Variants in SPP2 observed in about 807,000 individuals in gnomAD.
SPP2 encodes the protein secreted phosphoprotein 24.
SPP2 carries 34 observed loss-of-function variants against 28.8 expected under a neutral mutation model. The observed-to-expected ratio is 1.18, with a 90% CI of 0.90 to 1.57. The LOEUF (loss-of-function observed/expected upper bound fraction) is 1.57. Ranked by LOEUF, SPP2 falls within the 40% of genes most tolerant of loss-of-function variation. The probability of loss-of-function intolerance (pLI) is 0.00; values close to 1 mark genes in which losing one functional copy is unlikely to be tolerated. For synonymous variants in SPP2, 96 were observed against 89.4 expected, an observed-to-expected ratio of 1.07 and a Z score of -0.42; for missense variants, 269 against 263.9, an observed-to-expected ratio of 1.02 and a Z score of -0.13.
In SPP2 at chr2:234,051,059, G is replaced by T. The variant is rs150764101; in HGVS notation, c.174G>T (p.Pro58=). Residue 58 remains proline (P), a synonymous_variant, in exon 2 of 8, where the codon CCG becomes CCT. Transcript: ENST00000168148. ...AAGTGAATTCCCAGTCACTGAGTCC[G>T]TATCTGTTTCGGGCATTCAGAAGCT... is the stretch of plus-strand genomic sequence containing the variant. The part of the protein sequence containing the change: ...VVKVNSQSLS[P]YLFRAFRSSL... The T allele has an allele frequency of 7.8e-3, 12,577 of 1,613,950 alleles. 70 individuals carry two copies. The highest frequency in any genetic ancestry group is 9.9e-3 in the Non-Finnish European group (11,711 of 1,179,894).
chr2:234,068,036 C>A (rs563951864), intron 6 of SPP2, among the ~76,000 whole-genome samples: 1 of 152,054 alleles, frequency 6.6e-6, no homozygotes, highest in South Asian at 2.1e-4. Flanking sequence ...CTTCTTTTTG[C>A]CATACTCAAC....
chr2:234,054,665 T>C (rs1435197518), intron 2 of SPP2, among the ~76,000 whole-genome samples: 1 of 152,048 alleles, frequency 6.6e-6, no homozygotes, highest in African/African-American at 2.4e-5. Context: ...CCTAATAACC[T>C]CCCAAAGGCC....
chr2:234,059,268 A>G (rs946993112), intron 3 of SPP2, among the ~76,000 whole-genome samples: 1 of 152,208 alleles, frequency 6.6e-6, no homozygotes, highest in African/African-American at 2.4e-5. Context: ...TCCCAGACAC[A>G]CTTAAAATTC....
intron 3 of SPP2, among the ~76,000 whole-genome samples, chr2:234,059,678 C>T (rs1207950959): frequency 6.6e-6 from 1 of 152,134 alleles, no homozygotes; most frequent in Non-Finnish European, 1.5e-5. Flanking sequence ...GGGAATTTGA[C>T]CCAAGGCCAG....
intron 4 of SPP2, among the ~76,000 whole-genome samples, chr2:234,065,611 G>A (rs1172240826): frequency 2.6e-5 from 4 of 152,096 alleles, no homozygotes; most frequent in South Asian, 2.1e-4. Flanking sequence ...TTTTTCTAAC[G>A]ACTAATGATT....
intron 7 of SPP2, among the ~76,000 whole-genome samples, chr2:234,075,897 T>C (rs1157991473): frequency 1.3e-5 from 2 of 152,184 alleles, no homozygotes; most frequent in Non-Finnish European, 2.9e-5. Flanking sequence ...CTGAAGCAGA[T>C]GCATCTCAGA....
chr2:234,067,172 C>T (rs1257736333), intron 5 of SPP2, 52 bp from the exon 6 acceptor site: 4 of 1,515,200 alleles, frequency 2.6e-6, no homozygotes, highest in East Asian at 4.5e-5. Context: ...AGTCATAGAA[C>T]ATTCTGGAAC....
intron 3 of SPP2, among the ~76,000 whole-genome samples, chr2:234,060,103 C>T (rs1192641333): frequency 1.3e-5 from 2 of 152,174 alleles, no homozygotes; most frequent in Non-Finnish European, 2.9e-5. Context: ...AAAATTGACT[C>T]AGGGCAGCCC....
intron 2 of SPP2, among the ~76,000 whole-genome samples, chr2:234,058,534 A>G (rs1217932523): frequency 6.6e-6 from 1 of 152,202 alleles, no homozygotes; most frequent in Non-Finnish European, 1.5e-5. Context: ...CCAATATGGA[A>G]TCCACAAACA....
intron 4 of SPP2, among the ~76,000 whole-genome samples, chr2:234,061,073 A>T (rs1430702268): frequency 1.3e-5 from 2 of 152,196 alleles, no homozygotes; most frequent in African/African-American, 2.4e-5. Context: ...AAGCTGATGG[A>T]CATGAAGGAT....
intron 2 of SPP2, among the ~76,000 whole-genome samples, chr2:234,053,406 G>A (rs1478742063): frequency 1.3e-5 from 2 of 152,102 alleles, no homozygotes; most frequent in South Asian, 2.1e-4. Context: ...GAAGGGTCGG[G>A]CCCTTCTGTT....
intron 4 of SPP2, among the ~76,000 whole-genome samples, chr2:234,065,967 A>G (rs1693810192): frequency 6.6e-6 from 1 of 152,086 alleles, no homozygotes; most frequent in Admixed American, 6.5e-5. Context: ...TTCTCTCTTA[A>G]ATTGTCTTGG....
At chr2:234,051,328 AC>A (rs1168513743) in intron 2 of SPP2, among the ~76,000 whole-genome samples, 1 of 151,870 alleles carries the variant, frequency 6.6e-6, no homozygotes, top group Non-Finnish European at 1.5e-5. Context: ...CTCCTCTCTA[AC>A]CTTGTCTTCT....
At chr2:234,072,941 G>A (rs1413042678) in intron 7 of SPP2, among the ~76,000 whole-genome samples, 1 of 152,194 alleles carries the variant, frequency 6.6e-6, no homozygotes, top group Admixed American at 6.5e-5. Context: ...AGGCTGGAGT[G>A]CAGTGGCACA....
intron 7 of SPP2, among the ~76,000 whole-genome samples, chr2:234,076,343 A>G (rs1159180993): frequency 6.6e-6 from 1 of 151,704 alleles, no homozygotes; most frequent in African/African-American, 2.4e-5. Flanking sequence ...TCCCCGCCCC[A>G]TCTTATCCTC....
At chr2:234,053,974 A>T (rs866921800) in intron 2 of SPP2, among the ~76,000 whole-genome samples, 1 of 152,184 alleles carries the variant, frequency 6.6e-6, no homozygotes, top group African/African-American at 2.4e-5. Context: ...ACAGTTAAAT[A>T]AACCAAATTC....
At chr2:234,057,276 T>C (rs893182626) in intron 2 of SPP2, among the ~76,000 whole-genome samples, 2 of 152,162 alleles carry the variant, frequency 1.3e-5, no homozygotes, top group Admixed American at 6.5e-5. Context: ...TCCAAGACCA[T>C]ACCTGACACG....
intron 4 of SPP2, among the ~76,000 whole-genome samples, chr2:234,066,146 T>G (rs1693814118): frequency 6.6e-6 from 1 of 152,224 alleles, no homozygotes; most frequent in South Asian, 2.1e-4. Flanking sequence ...TGAAAACTTC[T>G]TGTGGACACC....
At chr2:234,073,433 T>A (rs912777548) in intron 7 of SPP2, among the ~76,000 whole-genome samples, 17 of 152,208 alleles carry the variant, frequency 1.1e-4, no homozygotes, top group Admixed American at 5.9e-4. Flanking sequence ...GGAAGCTCTT[T>A]GAAGGCAGAG....
Sources: allele counts gnomAD v4.1 joint callset (sites outside exome capture counted in the v4.1 genomes callset), GRCh38; gene constraint gnomAD v4.1.1; transcripts MANE v1.5; gene names NCBI Gene and HGNC (gene_info 2026-07-23, HGNC 2026-07-21).